The following THOC1 variants were observed in gnomAD, a reference collection of about 807,000 sequenced individuals.
THOC1 encodes THO complex subunit 1, also known as THO complex 1.
Under a neutral mutation model 97.3 loss-of-function variants are expected in THOC1, and 29 were observed. That is an observed-to-expected ratio of 0.30 (90% confidence interval 0.22 to 0.41). THOC1 has a LOEUF of 0.41. Ranked by LOEUF, THOC1 falls within the 10% of genes least tolerant of loss-of-function variation. The pLI is 1.00. For synonymous variants in THOC1, 255 were observed against 257.0 expected (o/e 0.99, Z 0.07); for missense variants, 529 against 761.9 (o/e 0.69, Z 3.60).
intron 6 of THOC1, 45 bp downstream of exon 6, chr18:259,637 A>G: frequency 4.3e-6 from 6 of 1,395,088 alleles, no homozygotes; most frequent in Non-Finnish European, 5.9e-6. Context: ...TTTTCTGGGC[A>G]TATTTACACT....
At chr18:226,148 A>G (rs2143173334) in intron 12 of THOC1, 1 of 152,392 alleles carries the variant, frequency 6.6e-6, no homozygotes, top group Non-Finnish European at 1.5e-5. Flanking sequence ...CCTTAAAATT[A>G]CAAGTCTGAA....
Position 223,500 on chromosome 18 carries a change from T to A in THOC1, c.1310A>T (p.Glu437Val). 1 of 1,558,546 alleles carries A rather than the reference T, an allele frequency of 6.4e-7. No homozygotes were observed. The highest frequency in any genetic ancestry group is 8.7e-7 in the Non-Finnish European group (1 of 1,150,074). ...GCAAAGATTCCAAAGCCTTGTTAAC[T>A]CCTCACTACAAAATAGACACAGAAA... The part of the protein sequence containing the change: ...PTKKILMGNE[E>V]LTRLWNLCPD... The change falls in exon 17 of 21, where the codon GAG (glutamate) becomes GTG (valine). Residue 437 changes from glutamate (E) to valine (V), a missense_variant. Glu to Val is a moderately radical substitution (Grantham distance 121, BLOSUM62 -2). Around this residue, in one of 8 missense-constraint regions of THOC1, gnomAD observed 123 missense variants for 159.0 expected, o/e 0.77. Coordinates refer to ENST00000261600, the MANE Select transcript of THOC1 (RefSeq NM_005131.3).
intron 11 of THOC1, among the ~76,000 whole-genome samples, chr18:233,122 T>C (rs1024739146): frequency 1.1e-4 from 17 of 152,350 alleles, no homozygotes; most frequent in Middle Eastern, 3.4e-3. Flanking sequence ...AAGAAATCTC[T>C]CCCTACTCCA....
intron 12 of THOC1, 143 bp downstream of exon 12, chr18:226,658 C>T: frequency 3.5e-6 from 2 of 576,786 alleles, no homozygotes; most frequent in African/African-American, 1.9e-5. Flanking sequence ...TATCGAAAAG[C>T]CTTCAATGTA....
chr18:216,531 T>C lies in THOC1; in HGVS notation c.1557A>G (p.Pro519=), dbSNP rs776125759. 71 of 1,614,024 alleles carry C rather than the reference T, an allele frequency of 4.4e-5. No individual in the cohort carries two copies. Among genetic ancestry groups the C allele is most frequent in the Non-Finnish European group, 5.9e-5 (70 of 1,179,892 alleles). ...TTATTACCATATTTTCAAGATATTC[T>C]GGTAAACTTTTAAACTGCTGGTTGG... ...QPTNQQFKSL[P]EYLENMVIKL... The change falls in exon 19 of 21, where the codon CCA becomes CCG. Residue 519 remains proline (P), a synonymous_variant. Coordinates refer to ENST00000261600, the MANE Select transcript of THOC1 (RefSeq NM_005131.3).
intron 10 of THOC1, among the ~76,000 whole-genome samples, 162 bp downstream of exon 10, chr18:247,687 G>T (rs1912140935): frequency 6.6e-6 from 1 of 152,162 alleles, no homozygotes; most frequent in Non-Finnish European, 1.5e-5. Flanking sequence ...CACAATATTA[G>T]TGGTTTAAAT....
At chr18:218,768 G>A (rs184640853) in intron 18 of THOC1, 118 bp downstream of exon 18, 2 of 757,840 alleles carry the variant, frequency 2.6e-6, no homozygotes, top group Admixed American at 2.9e-5. Context: ...ACTCACCTAA[G>A]AGAAAAAGCA....
intron 12 of THOC1, chr18:225,978 G>T (rs1285235824): frequency 6.6e-6 from 1 of 152,286 alleles, no homozygotes; most frequent in Non-Finnish European, 1.5e-5. Flanking sequence ...ATTAAACAGA[G>T]ACTACCGTGT....
intron 11 of THOC1, among the ~76,000 whole-genome samples, chr18:231,695 T>C (rs957108782): frequency 6.6e-6 from 1 of 152,228 alleles, no homozygotes; most frequent in Non-Finnish European, 1.5e-5. Context: ...AAGCTCCCTC[T>C]ATAACCCTCC....
At chr18:225,059 G>A (rs1389003663) in intron 14 of THOC1, 30 bp downstream of exon 14, 1 of 1,567,604 alleles carries the variant, frequency 6.4e-7, no homozygotes, top group African/African-American at 1.4e-5. Flanking sequence ...TTCGTGCTAA[G>A]AAGAGGATGT....
At chr18:250,667 A>G (rs1218240409) in intron 9 of THOC1, among the ~76,000 whole-genome samples, 1 of 152,236 alleles carries the variant, frequency 6.6e-6, no homozygotes, top group Non-Finnish European at 1.5e-5. Flanking sequence ...TGTAAATTAC[A>G]GTGCCTAAGA....
chr18:266,223 C>T (rs1477073905), intron 1 of THOC1, among the ~76,000 whole-genome samples: 1 of 152,204 alleles, frequency 6.6e-6, no homozygotes, highest in Non-Finnish European at 1.5e-5. Context: ...CTTAGAAAGT[C>T]ATCTTATTAC....
chr18:216,143 G>A (rs1324574515), intron 19 of THOC1: 18 of 177,954 alleles, frequency 1.0e-4, no homozygotes, highest in East Asian at 1.6e-4. Flanking sequence ...TAGTAGAGAC[G>A]GGGTTTCACC....
At chr18:250,662 A>T (rs1567854013) in intron 9 of THOC1, among the ~76,000 whole-genome samples, 1 of 152,228 alleles carries the variant, frequency 6.6e-6, no homozygotes, top group Non-Finnish European at 1.5e-5. Context: ...TGCTTTGTAA[A>T]TTACAGTGCC....
intron 9 of THOC1, among the ~76,000 whole-genome samples, chr18:251,123 T>C (rs531376630): frequency 5.1e-4 from 78 of 152,334 alleles, no homozygotes; most frequent in African/African-American, 1.7e-3. Context: ...CTGATCATCG[T>C]CTTATTTAAT....
intron 8 of THOC1, 139 bp from the exon 9 acceptor site, chr18:252,751 T>C (rs1393044631): frequency 2.9e-6 from 2 of 679,040 alleles, no homozygotes; most frequent in Non-Finnish European, 5.1e-6. Flanking sequence ...TCTAGACCTA[T>C]AGTTAATCTG....
At chr18:228,033 C>A (rs564124560) in intron 11 of THOC1, among the ~76,000 whole-genome samples, 1 of 152,288 alleles carries the variant, frequency 6.6e-6, no homozygotes, top group South Asian at 2.1e-4. Context: ...TATATTAACT[C>A]TCCTATCCCA....
At chr18:229,888 G>A (rs11873552) in intron 11 of THOC1, among the ~76,000 whole-genome samples, 6,270 of 151,696 alleles carry the variant, frequency 0.041, 341 homozygotes, top group African/African-American at 0.13. Flanking sequence ...GGTTTTCTTC[G>A]GGATTTCAGT....
intron 11 of THOC1, among the ~76,000 whole-genome samples, chr18:233,647 T>C (rs1281684341): frequency 6.6e-6 from 1 of 152,214 alleles, no homozygotes; most frequent in Non-Finnish European, 1.5e-5. Context: ...AATCTTCTTT[T>C]GTATATTAAC....
Sources: gnomAD v4.1 joint callset for allele counts (sites outside exome capture counted in the v4.1 genomes callset) on GRCh38, gnomAD v4.1.1 for gene constraint, gnomAD v4.1.1 regional missense constraint, MANE v1.5 for transcripts, NCBI Gene and HGNC (gene_info 2026-07-23, HGNC 2026-07-21) for gene names.